UST: variants seen among roughly 807,000 people sequenced by gnomAD.
UST encodes uronyl 2-sulfotransferase.
Under a neutral mutation model 45.6 loss-of-function variants are expected in UST, and 21 were observed. That is an observed-to-expected ratio of 0.46 (90% CI 0.33 to 0.66). The LOEUF (loss-of-function observed/expected upper bound fraction) is 0.66, where lower values mean the gene tolerates loss of function less well. UST is among the 30% of genes least tolerant of loss of function. UST has a pLI of 0.02. For missense variants in UST, 463 were observed against 512.4 expected, an observed-to-expected ratio of 0.90 and a Z score of 0.93; for synonymous variants, 215 against 200.6, an observed-to-expected ratio of 1.07 and a Z score of -0.61.
At chr6:148,946,025 A>G (rs916283779) in intron 3 of UST, among the ~76,000 whole-genome samples, 1 of 152,106 alleles carries the variant, frequency 6.6e-6, no homozygotes, top group Non-Finnish European at 1.5e-5. Context: ...TCAAAACACT[A>G]TTTCCTTACA....
chr6:148,871,791 A>G (rs1562283816), intron 1 of UST, among the ~76,000 whole-genome samples: 1 of 152,212 alleles, frequency 6.6e-6, no homozygotes, highest in Non-Finnish European at 1.5e-5. Flanking sequence ...CACTCACTCC[A>G]ATTCAGGTTT....
At chr6:148,769,253 T>A (rs531150435) in intron 1 of UST, among the ~76,000 whole-genome samples, 19 of 152,354 alleles carry the variant, frequency 1.2e-4, no homozygotes, top group Admixed American at 3.3e-4. Flanking sequence ...ATGGTGATCA[T>A]TTGTTTAGTT....
chr6:149,011,772 A>G (rs1482200322), intron 5 of UST, among the ~76,000 whole-genome samples: 1 of 152,248 alleles, frequency 6.6e-6, no homozygotes, highest in African/African-American at 2.4e-5. Flanking sequence ...AGATCGTGCC[A>G]CTGCACTCCA....
At chr6:148,884,512 A>G (rs1778878168) in intron 1 of UST, among the ~76,000 whole-genome samples, 1 of 152,332 alleles carries the variant, frequency 6.6e-6, no homozygotes, top group East Asian at 1.9e-4. Flanking sequence ...GGATAGAGCC[A>G]GTTCAAAAGG....
chr6:149,028,143 C>T (rs1776077857), intron 7 of UST, among the ~76,000 whole-genome samples: 1 of 152,150 alleles, frequency 6.6e-6, no homozygotes, highest in Non-Finnish European at 1.5e-5. Flanking sequence ...CGCGCCCGGC[C>T]TAGTATGTCA....
At chr6:149,046,507 G>T (rs1776397611) in intron 7 of UST, among the ~76,000 whole-genome samples, 1 of 152,172 alleles carries the variant, frequency 6.6e-6, no homozygotes, top group Non-Finnish European at 1.5e-5. Flanking sequence ...ATAGTACATA[G>T]GTCAATCATG....
chr6:149,065,234 G>GA (rs199804298), intron 7 of UST, among the ~76,000 whole-genome samples: 3,098 of 151,948 alleles, frequency 0.02, 128 homozygotes, highest in African/African-American at 0.071. Flanking sequence ...ACAATTATTT[G>GA]AAAAAAAATC....
intron 7 of UST, among the ~76,000 whole-genome samples, chr6:149,043,015 C>CTTTCTTTTTCTT (rs1554237092): frequency 1.3e-4 from 16 of 119,724 alleles, no homozygotes; most frequent in Non-Finnish European, 2.2e-4. Flanking sequence ...TTCTTTCTTT[C>CTTTCTTTTTCTT]TTTCTTTTTC....
At chr6:148,875,974 C>T (rs1232495655) in intron 1 of UST, among the ~76,000 whole-genome samples, 1 of 152,164 alleles carries the variant, frequency 6.6e-6, no homozygotes, top group Non-Finnish European at 1.5e-5. Flanking sequence ...TTTAAATTTA[C>T]ATTAAATATA....
chr6:149,068,480 C>G (rs10457075), intron 7 of UST, among the ~76,000 whole-genome samples: 43,318 of 152,140 alleles, frequency 0.28, 6,901 homozygotes, highest in Non-Finnish European at 0.36. Context: ...GTAGCTGTTA[C>G]TATAAAAATA....
intron 3 of UST, among the ~76,000 whole-genome samples, chr6:148,950,551 T>A (rs570036933): frequency 6.6e-6 from 1 of 152,336 alleles, no homozygotes; most frequent in African/African-American, 2.4e-5. Flanking sequence ...ACTTTGCTGA[T>A]CCCATCTCGG....
intron 1 of UST, among the ~76,000 whole-genome samples, chr6:148,751,102 T>C (rs141108347): frequency 6.6e-6 from 1 of 152,326 alleles, no homozygotes; most frequent in Non-Finnish European, 1.5e-5. Flanking sequence ...ACCATTGTTG[T>C]TGAGCAACAA....
intron 2 of UST, among the ~76,000 whole-genome samples, chr6:148,920,730 A>G (rs191119671): frequency 3.3e-5 from 5 of 152,188 alleles, no homozygotes; most frequent in African/African-American, 4.8e-5. Context: ...AGATTCCACC[A>G]TGTTGCCCAG....
At chr6:148,991,139 A>T (rs1371246496) in intron 5 of UST, among the ~76,000 whole-genome samples, 1 of 152,204 alleles carries the variant, frequency 6.6e-6, no homozygotes, top group African/African-American at 2.4e-5. Context: ...AAGAATCAAA[A>T]GTTTGTTCTG....
chr6:148,936,573 CTTTTTTTTTTTTTT>C (rs138494669), intron 2 of UST, among the ~76,000 whole-genome samples: 53 of 85,370 alleles, frequency 6.2e-4, no homozygotes, highest in South Asian at 1.4e-3. Flanking sequence ...AAAATCAGTC[CTTTTTTTTTTTTTT>C]TTTTTTTTTT....
At chr6:149,021,077 T>C (rs1244493073) in intron 6 of UST, among the ~76,000 whole-genome samples, 1 of 152,184 alleles carries the variant, frequency 6.6e-6, no homozygotes, top group East Asian at 1.9e-4. Context: ...GGCCTCTGAA[T>C]TCAAGGCCCT....
At chr6:149,013,706 T>G (rs575460551) in intron 5 of UST, among the ~76,000 whole-genome samples, 1 of 152,276 alleles carries the variant, frequency 6.6e-6, no homozygotes, top group South Asian at 2.1e-4. Context: ...CAAATCTCCT[T>G]TTCCTCATTC....
At chr6:149,010,851 C>T (rs888360417) in intron 5 of UST, among the ~76,000 whole-genome samples, 1 of 137,052 alleles carries the variant, frequency 7.3e-6, no homozygotes, top group Non-Finnish European at 1.5e-5. Flanking sequence ...GAGATCGCGC[C>T]TCTGCACTGC....
rs184896742 is a variant in UST at position 149,051,478 on chromosome 6, A to G, written c.938-22355A>G. On this transcript the variant is annotated intron_variant, in intron 7 of 7. Transcript: ENST00000367463. ...AATGGTCCTGATTTTTCTAACACCA[A>G]TTCAGGGGCATCATTGGGTCTTTTG... 3.3e-5 allele frequency among the ~76,000 whole-genome samples: 5 copies of G among 152,364 alleles called. No homozygotes were observed. In the East Asian group the frequency reaches 9.6e-4, roughly 29 times the overall value.
Sources: gnomAD v4.1 joint callset for allele counts (sites outside exome capture counted in the v4.1 genomes callset) on GRCh38, gnomAD v4.1.1 for gene constraint, MANE v1.5 for transcripts, NCBI Gene and HGNC (gene_info 2026-07-23, HGNC 2026-07-21) for gene names.